Variants in ATRNL1 observed in about 807,000 individuals in gnomAD.
ATRNL1 encodes the protein attractin-like protein 1.
Under a neutral mutation model 182.7 loss-of-function variants are expected in ATRNL1, and 95 were observed. That is an observed-to-expected ratio of 0.52 (90% CI 0.44 to 0.62). ATRNL1 has a LOEUF of 0.62. ATRNL1 is among the 20% of genes least tolerant of loss of function. The pLI is 0.00. For missense variants in ATRNL1, 1,471 were observed against 1,679.5 expected (o/e 0.88, Z 2.17); for synonymous variants, 576 against 568.3 (o/e 1.01, Z -0.19).
intron 9 of ATRNL1, among the ~76,000 whole-genome samples, chr10:115,228,220 G>A (rs1474881393): frequency 1.2e-4 from 19 of 152,244 alleles, no homozygotes; most frequent in Non-Finnish European, 1.3e-4. Flanking sequence ...TAAAATTTCA[G>A]TCATTTCTGC....
At chr10:115,723,832 C>T (rs1331698313) in intron 26 of ATRNL1, among the ~76,000 whole-genome samples, 7 of 152,102 alleles carry the variant, frequency 4.6e-5, no homozygotes, top group Non-Finnish European at 8.8e-5. Context: ...TGCTTACAGG[C>T]GTGAGCCGCT....
At chr10:115,340,805 T>A (rs1246613175) in intron 19 of ATRNL1, among the ~76,000 whole-genome samples, 3 of 152,094 alleles carry the variant, frequency 2.0e-5, no homozygotes, top group African/African-American at 4.8e-5. Flanking sequence ...TGTTCCAGTT[T>A]ATTGGCATGT....
At chr10:115,257,902 A>C (rs1851223981) in intron 10 of ATRNL1, among the ~76,000 whole-genome samples, 1 of 152,210 alleles carries the variant, frequency 6.6e-6, no homozygotes, top group African/African-American at 2.4e-5. Context: ...TCTGGGTTGA[A>C]AATTCTTTTC....
intron 19 of ATRNL1, among the ~76,000 whole-genome samples, chr10:115,377,989 T>C (rs1554950017): frequency 6.6e-6 from 1 of 152,124 alleles, no homozygotes; most frequent in East Asian, 1.9e-4. Flanking sequence ...TGGCTTCTTC[T>C]GCATTCTTGT....
At chr10:115,162,257 A>G (rs953323208) in intron 6 of ATRNL1, among the ~76,000 whole-genome samples, 1 of 152,100 alleles carries the variant, frequency 6.6e-6, no homozygotes, top group South Asian at 2.1e-4. Flanking sequence ...AGGAGTAGGT[A>G]AATCAGGAGT....
intron 8 of ATRNL1, among the ~76,000 whole-genome samples, chr10:115,189,686 T>A (rs868923463): frequency 4.6e-5 from 7 of 152,234 alleles, no homozygotes; most frequent in African/African-American, 1.7e-4. Flanking sequence ...GTTAAAAAAT[T>A]AAAAAGTTTA....
chr10:115,551,905 A>G (rs1298835483), intron 26 of ATRNL1, among the ~76,000 whole-genome samples: 1 of 151,400 alleles, frequency 6.6e-6, no homozygotes, highest in African/African-American at 2.4e-5. Flanking sequence ...GGGAGGTGGG[A>G]AGTGACAGAG....
At chr10:115,792,794 ATCC>A (rs1555082045) in intron 27 of ATRNL1, among the ~76,000 whole-genome samples, 1 of 152,038 alleles carries the variant, frequency 6.6e-6, no homozygotes, top group East Asian at 1.9e-4. Context: ...AAATTATTAT[ATCC>A]TCTGCTCAAT....
At chr10:115,106,638 G>A (rs1006862045) in intron 1 of ATRNL1, among the ~76,000 whole-genome samples, 2 of 152,164 alleles carry the variant, frequency 1.3e-5, no homozygotes, top group African/African-American at 4.8e-5. Flanking sequence ...TCGTGATAGT[G>A]AGTAAGTCTC....
rs558577938 is a variant in ATRNL1 at position 115,337,721 on chromosome 10, G to A, written c.3175+3302G>A. Among the ~76,000 whole-genome samples the A allele has an allele frequency of 2.0e-5, 3 of 152,196 alleles. No individual in the cohort carries two copies. In the South Asian group the frequency reaches 6.2e-4, roughly 32 times the overall value. The stretch of plus-strand genomic sequence containing the variant: ...TCTATCCATGTTGTTGCAAATGACA[G>A]GATCTCATTCTTTTTTATGGATGAA... On this transcript the variant is annotated intron_variant, in intron 19 of 28. Coordinates refer to ENST00000355044, the MANE Select transcript of ATRNL1 (RefSeq NM_207303.4).
chr10:115,923,689 G>A (rs1193361278), intron 28 of ATRNL1, among the ~76,000 whole-genome samples: 1 of 152,080 alleles, frequency 6.6e-6, no homozygotes, highest in Admixed American at 6.6e-5. Context: ...TGACTTTGCT[G>A]TTGTAAATAG....
At chr10:115,843,711 G>A (rs1950862852) in intron 27 of ATRNL1, among the ~76,000 whole-genome samples, 2 of 151,972 alleles carry the variant, frequency 1.3e-5, no homozygotes, top group South Asian at 4.1e-4. Flanking sequence ...TGTCATTTTG[G>A]ACTCAAGCCT....
At chr10:115,494,219 T>G (rs1229545290) in intron 24 of ATRNL1, among the ~76,000 whole-genome samples, 1 of 152,188 alleles carries the variant, frequency 6.6e-6, no homozygotes, top group Non-Finnish European at 1.5e-5. Flanking sequence ...GTTTATCAGA[T>G]CTAGGAGCTT....
chr10:115,915,495 T>A (rs1479121603), intron 28 of ATRNL1, among the ~76,000 whole-genome samples: 1 of 152,082 alleles, frequency 6.6e-6, no homozygotes, highest in African/African-American at 2.4e-5. Context: ...GGAACTTTGA[T>A]TCTAGTTGGG....
At chr10:115,335,458 T>C (rs1467483175) in intron 19 of ATRNL1, among the ~76,000 whole-genome samples, 1 of 152,188 alleles carries the variant, frequency 6.6e-6, no homozygotes, top group Admixed American at 6.5e-5. Context: ...ATCTTGGTTG[T>C]GGTTGTAGGG....
intron 26 of ATRNL1, among the ~76,000 whole-genome samples, chr10:115,608,430 A>G (rs1856981192): frequency 6.6e-6 from 1 of 152,064 alleles, no homozygotes; most frequent in South Asian, 2.1e-4. Context: ...TTGATTTTGA[A>G]AAATTTCTGT....
At chr10:115,273,082 T>TA (rs1215912764) in intron 13 of ATRNL1, among the ~76,000 whole-genome samples, 62 of 152,302 alleles carry the variant, frequency 4.1e-4, no homozygotes, top group African/African-American at 1.4e-3. Context: ...GCTGATTACC[T>TA]AGGGGGATGG....
At chr10:115,541,000 C>G (rs1489796949) in intron 25 of ATRNL1, among the ~76,000 whole-genome samples, 13 of 152,068 alleles carry the variant, frequency 8.5e-5, no homozygotes, top group African/African-American at 3.1e-4. Context: ...AGGAATTATT[C>G]TTCATAACAT....
At chr10:115,150,138 A>G (rs116617726) in intron 5 of ATRNL1, among the ~76,000 whole-genome samples, 181 of 151,930 alleles carry the variant, frequency 1.2e-3, no homozygotes, top group African/African-American at 4.1e-3. Context: ...GTGTATAGTT[A>G]TTTATAATAA....
Sources: gnomAD v4.1 joint callset for allele counts (sites outside exome capture counted in the v4.1 genomes callset) on GRCh38, gnomAD v4.1.1 for gene constraint, MANE v1.5 for transcripts, NCBI Gene and HGNC (gene_info 2026-07-23, HGNC 2026-07-21) for gene names.